OR13C3: variants seen among roughly 807,000 people sequenced by gnomAD.
OR13C3 encodes olfactory receptor 13C3.
A neutral mutation model predicts 14.4 loss-of-function variants in OR13C3; 19 were observed. The ratio of observed to expected loss-of-function variants is 1.31; its 90% CI spans 0.92 to 1.93. The LOEUF (loss-of-function observed/expected upper bound fraction) is 1.93. OR13C3 is among the 30% of genes most tolerant of loss of function. The probability of loss-of-function intolerance (pLI) is 0.00; values close to 1 mark genes in which losing one functional copy is unlikely to be tolerated. For missense variants in OR13C3, 394 were observed against 381.4 expected (o/e 1.03, Z -0.27); for synonymous variants, 140 against 142.5 (o/e 0.98, Z 0.12).
At chr9:104,536,795 A>C (rs1014115534) in exon 1 of OR13C3, 1 of 1,610,304 alleles carries the variant, frequency 6.2e-7, no homozygotes, top group African/African-American at 1.3e-5. Context: ...CAAACAGTAC[A>C]AATTAACTGA....
chr9:104,536,298 T>A (rs773073078), exon 1 of OR13C3: 2 of 1,614,132 alleles, frequency 1.2e-6, no homozygotes, highest in Non-Finnish European at 1.7e-6. Context: ...AAGCCATCAA[T>A]ACATACGCCA....
chr9:104,536,281 G>A (rs1365310552), exon 1 of OR13C3: 7 of 1,613,928 alleles, frequency 4.3e-6, no homozygotes, highest in Non-Finnish European at 5.9e-6. Flanking sequence ...GGACAGCCAG[G>A]ACACAGAAGC....
In OR13C3 at chr9:104,536,096, G is replaced by A. The variant is rs368636385; in HGVS notation, c.628C>T (p.Pro210Ser). 11 of 1,613,732 alleles carry A rather than the reference G, an allele frequency of 6.8e-6. No homozygotes were observed. Among genetic ancestry groups the A allele is most frequent in the Non-Finnish European group, 8.5e-6 (10 of 1,179,820 alleles). The change falls in exon 1 of 1, where the codon CCA (proline) becomes TCA (serine). Residue 210 changes from proline (P) to serine (S), a missense_variant. Coordinates refer to ENST00000641090, the Ensembl canonical transcript of OR13C3. ...TAGGAGAAAAAAATGACCATCAGTG[G>A]AAGAACCAGGAAGGCCATATTTGAT...
Position 104,536,718 on chromosome 9 carries a change from AC to A in OR13C3, c.5del (p.Gly2ValfsTer31), listed in dbSNP as rs2118427730. 4 of 1,612,698 alleles carry A rather than the reference AC, an allele frequency of 2.5e-6. No homozygotes were observed. Among genetic ancestry groups the A allele is most frequent in the Non-Finnish European group, 3.4e-6 (4 of 1,178,760 alleles). On this transcript the variant is annotated frameshift_variant, in exon 1 of 1. Coordinates refer to ENST00000641090, the Ensembl canonical transcript of OR13C3. LOFTEE classifies it high-confidence loss of function. ...CTGACACAAGTGTCTGGTTAATCTC[AC>A]CCATGTCATCTGCTTTCAGGAAATC...
Position 104,536,801 on chromosome 9 carries a change from A to AT in OR13C3, c.-79_-78insA, listed in dbSNP as rs1828826494. 5.6e-6 allele frequency: 9 copies of AT among 1,609,070 alleles called. No individual in the cohort carries two copies. The highest frequency in any genetic ancestry group is 6.8e-6 in the Non-Finnish European group (8 of 1,177,112). The stretch of plus-strand genomic sequence containing the variant: ...GCCAAGAAACAAACAGTACAAATTA[A>AT]CTGAACAATCATTCTTTTGACACAT... On this transcript the variant is annotated 5_prime_UTR_variant, in exon 1 of 1. It introduces an in-frame stop codon into an upstream open reading frame of the 5' UTR. Coordinates refer to ENST00000641090, the Ensembl canonical transcript of OR13C3.
At chr9:104,536,436 T>C (rs1172568297) in exon 1 of OR13C3, 3 of 1,614,014 alleles carry the variant, frequency 1.9e-6, no homozygotes, top group Non-Finnish European at 2.5e-6. Flanking sequence ...GCACTGCACA[T>C]CCAGAGAAGG....
chr9:104,536,193 G>T (rs779347800), exon 1 of OR13C3: 15 of 1,613,912 alleles, frequency 9.3e-6, no homozygotes, highest in African/African-American at 1.3e-5. Context: ...TTTCACATGC[G>T]AAATGATTGA....
rs202056386 is a variant in OR13C3 at position 104,535,856 on chromosome 9, T to C, written c.868A>G (p.Met290Val). ...AAGCTATAGAGTATAGGATTCAGCA[T>C]GGGTGTCACTACCCCATAAAACAGA... is the stretch of plus-strand genomic sequence containing the variant. The change falls in exon 1 of 1, where the codon ATG (methionine) becomes GTG (valine). Residue 290 changes from methionine to valine, a missense_variant. Met to Val is a conservative substitution (Grantham distance 21, BLOSUM62 1). Transcript: ENST00000641090. The C allele has an allele frequency of 6.8e-6, 11 of 1,612,838 alleles. No individual in the cohort carries two copies. In the Middle Eastern group the frequency reaches 1.7e-3, roughly 242 times the overall value.
exon 1 of OR13C3, chr9:104,536,325 G>C (rs1828816863): frequency 6.2e-7 from 1 of 1,614,016 alleles, no homozygotes. Context: ...TCAGGATGAT[G>C]GGGTATCTCA....
exon 1 of OR13C3, chr9:104,535,998 T>C (rs1425153131): frequency 6.2e-7 from 1 of 1,613,874 alleles, no homozygotes; most frequent in Admixed American, 1.7e-5. Context: ...TCAGGTGAGC[T>C]GAGCACGTGG....
Position 104,535,892 on chromosome 9 carries a change from T to C in OR13C3, c.832A>G (p.Lys278Glu), listed in dbSNP as rs201591425. The change falls in exon 1 of 1, where the codon AAG (lysine) becomes GAG (glutamate). Residue 278 changes from lysine to glutamate, a missense_variant. Transcript: ENST00000641090. ...ACCCCATAAAACAGAGAAATGAGCTTGTCTAATGCTTGCAATTTTTCTTCC... is the reference window on the plus strand; with the variant it reads ...ACCCCATAAAACAGAGAAATGAGCTCGTCTAATGCTTGCAATTTTTCTTCC... 3 of 1,613,872 alleles carry C rather than the reference T, an allele frequency of 1.9e-6. No individual in the cohort carries two copies. In the East Asian group the frequency reaches 6.7e-5, roughly 36 times the overall value.
exon 1 of OR13C3, chr9:104,536,855 G>T: frequency 7.3e-7 from 1 of 1,378,532 alleles, no homozygotes; most frequent in Non-Finnish European, 1.0e-6. Context: ...TTGAAGTTCT[G>T]ACATCCAGTT....
chr9:104,535,921 A>G lies in OR13C3; in HGVS notation c.803T>C (p.Ile268Thr), dbSNP rs751457524. ...TAATGCTTGCAATTTTTCTTCCCCA[A>G]TCAGGTCTTGAGACTTCGGTTTCGC... Residue 268 changes from isoleucine to threonine, a missense_variant, in exon 1 of 1, where the codon ATT becomes ACT. Ile to Thr is a moderately conservative substitution (Grantham distance 89). Transcript: ENST00000641090. 1.5e-5 allele frequency: 24 copies of G among 1,613,938 alleles called. 1 individual carries two copies. In the Admixed American group the frequency reaches 2.8e-4, roughly 19 times the overall value.
At chr9:104,536,307 C>T in exon 1 of OR13C3, 1 of 1,614,132 alleles carries the variant, frequency 6.2e-7, no homozygotes, top group South Asian at 1.1e-5. Context: ...ATACATACGC[C>T]ACCTTGCTCA....
At chr9:104,536,012 A>C in exon 1 of OR13C3, 1 of 1,614,112 alleles carries the variant, frequency 6.2e-7, no homozygotes, top group Non-Finnish European at 8.5e-7. Flanking sequence ...CACGTGGAAA[A>C]TGCCTTGCGT....
chr9:104,535,849 T>A (rs1195746509), exon 1 of OR13C3: 1 of 1,613,534 alleles, frequency 6.2e-7, no homozygotes, highest in Non-Finnish European at 8.5e-7. Context: ...GAGTATAGGA[T>A]TCAGCATGGG....
exon 1 of OR13C3, chr9:104,535,751 C>T (rs746786887): frequency 6.6e-7 from 1 of 1,515,126 alleles, no homozygotes; most frequent in Non-Finnish European, 9.1e-7. Flanking sequence ...TAAACAAAGA[C>T]CTACATGTCC....
chr9:104,535,935 C>A (rs1178266271), exon 1 of OR13C3: 19 of 1,614,144 alleles, frequency 1.2e-5, no homozygotes, highest in Admixed American at 3.3e-5. Context: ...GGTCTTGAGA[C>A]TTCGGTTTCG....
In OR13C3 at chr9:104,535,904, G is replaced by A. The variant is rs1246239365; in HGVS notation, c.820C>T (p.Gln274Ter). The change falls in exon 1 of 1, where the codon CAA (glutamine) becomes TAA (stop). Residue 274 changes from glutamine (Q) to a stop codon, truncating the protein, a stop_gained. Coordinates refer to ENST00000641090, the Ensembl canonical transcript of OR13C3. LOFTEE classifies it high-confidence loss of function. ...AGAGAAATGAGCTTGTCTAATGCTTGCAATTTTTCTTCCCCAATCAGGTCT... is the reference window on the plus strand; with the variant it reads ...AGAGAAATGAGCTTGTCTAATGCTTACAATTTTTCTTCCCCAATCAGGTCT... The A allele has an allele frequency of 1.1e-5, 17 of 1,613,752 alleles. No individual in the cohort carries two copies. The highest frequency in any genetic ancestry group is 1.3e-5 in the African/African-American group (1 of 74,888).
Sources: allele counts gnomAD v4.1 joint callset, GRCh38; gene constraint gnomAD v4.1.1; transcripts MANE v1.5; gene names NCBI Gene and HGNC (gene_info 2026-07-23, HGNC 2026-07-21).